The following TMEM232 variants were observed in gnomAD, a reference collection of about 807,000 sequenced individuals.
TMEM232 encodes transmembrane protein 232.
A neutral mutation model predicts 78.8 loss-of-function variants in TMEM232; 80 were observed. The ratio of observed to expected loss-of-function variants is 1.01; its 90% CI spans 0.85 to 1.22. TMEM232 has a LOEUF of 1.22. Among genes scored for constraint, TMEM232 ranks in the 50% most tolerant of loss-of-function variants. The pLI, the probability that TMEM232 is intolerant of heterozygous loss-of-function variation, is 0.00. For synonymous variants in TMEM232, 297 were observed against 254.3 expected (o/e 1.17, Z -1.60); for missense variants, 881 against 742.2 (o/e 1.19, Z -2.17).
intron 4 of TMEM232, 134 bp from the exon 5 acceptor site, chr5:110,638,489 T>C: frequency 2.4e-6 from 2 of 848,216 alleles, no homozygotes; most frequent in South Asian, 1.9e-5. Context: ...ACAAATTCTC[T>C]TTGACACCTT....
intron 2 of TMEM232, among the ~76,000 whole-genome samples, chr5:110,406,288 A>ACACG (rs769001946): frequency 7.3e-5 from 11 of 151,582 alleles, no homozygotes; most frequent in Non-Finnish European, 1.5e-4. Flanking sequence ...ACACACACAC[A>ACACG]CACACACACA....
chr5:110,562,375 T>C (rs1282466840), intron 11 of TMEM232, among the ~76,000 whole-genome samples: 1 of 152,118 alleles, frequency 6.6e-6, no homozygotes, highest in Admixed American at 6.6e-5. Flanking sequence ...GCATGGCTCA[T>C]GACATTTTCT....
intron 12 of TMEM232, among the ~76,000 whole-genome samples, chr5:110,454,757 G>A (rs115670955): frequency 0.011 from 1,687 of 151,876 alleles, 34 homozygotes; most frequent in African/African-American, 0.039. Flanking sequence ...TCTTGAATCA[G>A]TGAACTAAGC....
At chr5:110,515,164 T>A (rs1026982543) in intron 12 of TMEM232, among the ~76,000 whole-genome samples, 2 of 152,206 alleles carry the variant, frequency 1.3e-5, no homozygotes, top group African/African-American at 4.8e-5. Context: ...GAAATAATCA[T>A]AACTCCATCT....
At position 110,476,453 on chromosome 5, in the gene TMEM232, T is replaced by C. The variant is rs542206829; in HGVS notation, c.1704-51537A>G. Among the ~76,000 whole-genome samples, 23 of 152,138 alleles carry C rather than the reference T, an allele frequency of 1.5e-4. No individual in the cohort carries two copies. In the East Asian group the frequency reaches 4.4e-3, roughly 29 times the overall value. On this transcript the variant is annotated intron_variant, in intron 12 of 13. Transcript: ENST00000455884. Reference sequence around the variant, plus strand: ...ACCCCTTTATCTTGAACTTCCAGCATCTGGAACCATGAGTAAATAAATTTC... The same window carrying C: ...ACCCCTTTATCTTGAACTTCCAGCACCTGGAACCATGAGTAAATAAATTTC...
At chr5:110,434,450 T>A (rs532845502) in intron 12 of TMEM232, among the ~76,000 whole-genome samples, 1 of 151,480 alleles carries the variant, frequency 6.6e-6, no homozygotes, top group Non-Finnish European at 1.5e-5. Flanking sequence ...CATTAAAACG[T>A]TGAATAAGTA....
chr5:110,569,651 GA>G (rs1164731161), intron 10 of TMEM232, among the ~76,000 whole-genome samples: 1 of 151,814 alleles, frequency 6.6e-6, no homozygotes, highest in East Asian at 1.9e-4. Context: ...AGAACAACAT[GA>G]AAAGTCACAA....
At chr5:110,685,730 C>T (rs994781896) in intron 1 of TMEM232, among the ~76,000 whole-genome samples, 10 of 152,048 alleles carry the variant, frequency 6.6e-5, no homozygotes, top group African/African-American at 2.4e-4. Flanking sequence ...AGTCCCAAAC[C>T]AGAAACAACT....
chr5:110,659,987 G>A (rs775758607), intron 2 of TMEM232, among the ~76,000 whole-genome samples: 26 of 151,936 alleles, frequency 1.7e-4, no homozygotes, highest in Admixed American at 3.3e-4. Flanking sequence ...AGAAAAAAAG[G>A]GGTTGTCAAT....
In TMEM232 at chr5:110,721,669, G is replaced by GTATATATATATATATA. The variant is rs749643657; in HGVS notation, c.-13+4957_-13+4958insTATATATATATATATA. ...GTCTGCATATCATGTGTGTGTGTGT[G>GTATATATATATATATA]TGTGTATATATATATCTGTGTGTGT... is the stretch of plus-strand genomic sequence containing the variant. On this transcript the variant is annotated intron_variant, in intron 1 of 13. Transcript: ENST00000455884. 3.1e-3 allele frequency among the ~76,000 whole-genome samples: 73 copies of GTATATATATATATATA among 23,844 alleles called. 2 individuals carry two copies. Among genetic ancestry groups the GTATATATATATATATA allele is most frequent in the African/African-American group, 4.8e-3 (61 of 12,720 alleles). The allele number at this position is 23,844 out of a possible 152,430, so 15.6% of individuals were successfully genotyped here. A position where few individuals can be genotyped will look rare whatever the true frequency, so the allele number is the denominator to read the frequency against.
At chr5:110,570,695 T>C (rs1439272095) in intron 10 of TMEM232, among the ~76,000 whole-genome samples, 1 of 152,028 alleles carries the variant, frequency 6.6e-6, no homozygotes, top group Non-Finnish European at 1.5e-5. Context: ...TTCCTAGTTC[T>C]TTCATCTTCC....
intron 12 of TMEM232, among the ~76,000 whole-genome samples, chr5:110,525,084 T>C (rs1770374663): frequency 6.6e-6 from 1 of 151,732 alleles, no homozygotes; most frequent in Non-Finnish European, 1.5e-5. Context: ...TAAAACTGCT[T>C]AATAATAAAA....
chr5:110,647,548 C>T (rs563875699), intron 2 of TMEM232, among the ~76,000 whole-genome samples: 6 of 151,926 alleles, frequency 3.9e-5, no homozygotes, highest in Admixed American at 6.6e-5. Flanking sequence ...ATGTGTTTCA[C>T]AAATAAATCT....
At chr5:110,563,224 T>A (rs757280349) in intron 11 of TMEM232, among the ~76,000 whole-genome samples, 8 of 152,004 alleles carry the variant, frequency 5.3e-5, no homozygotes, top group Non-Finnish European at 1.2e-4. Flanking sequence ...CGCTGACTAC[T>A]CAAGTAATGA....
intron 7 of TMEM232, among the ~76,000 whole-genome samples, chr5:110,619,659 C>A (rs1783382378): frequency 6.6e-6 from 1 of 152,160 alleles, no homozygotes; most frequent in African/African-American, 2.4e-5. Flanking sequence ...AGTAAGTCCA[C>A]ATATAACTCA....
chr5:110,500,570 T>A (rs1251716845), intron 12 of TMEM232, among the ~76,000 whole-genome samples: 1 of 151,918 alleles, frequency 6.6e-6, no homozygotes, highest in Non-Finnish European at 1.5e-5. Context: ...AAGATGTATA[T>A]GAGGAAATGA....
At chr5:110,427,440 C>T (rs759679276) in intron 12 of TMEM232, among the ~76,000 whole-genome samples, 4 of 151,848 alleles carry the variant, frequency 2.6e-5, no homozygotes, top group Non-Finnish European at 4.4e-5. Context: ...GAATGGAGGA[C>T]TAGACAATTT....
In TMEM232 at chr5:110,636,933, C is replaced by T. The variant is rs371109485; in HGVS notation, c.501+1265G>A. Among the ~76,000 whole-genome samples the T allele has an allele frequency of 3.9e-5, 6 of 151,908 alleles. No homozygotes were observed. The East Asian group carries it at 1.2e-3, about 29-fold the overall frequency. ...TAAGCAATATGCTCCATGCATAAAACTATATTTTGTAGCTATTTTTTTCTT... is the reference window on the plus strand; with the variant it reads ...TAAGCAATATGCTCCATGCATAAAATTATATTTTGTAGCTATTTTTTTCTT... On this transcript the variant is annotated intron_variant, in intron 5 of 13. Coordinates refer to ENST00000455884, the MANE Select transcript of TMEM232 (RefSeq NM_001039763.4).
rs1402311018 is a variant in TMEM232 at position 110,528,764 on chromosome 5, T to A, written c.1527A>T (p.Glu509Asp). The A allele has an allele frequency of 5.9e-6, 9 of 1,533,504 alleles. No homozygotes were observed. The highest frequency in any genetic ancestry group is 7.9e-6 in the Non-Finnish European group (9 of 1,145,742). 95.0% of individuals were successfully genotyped at this position (1,533,504 alleles called of 1,614,324 possible). A position where few individuals can be genotyped will look rare whatever the true frequency, so the allele number is the denominator to read the frequency against. The change falls in exon 12 of 14, where the codon GAA (glutamate) becomes GAT (aspartate). Residue 509 changes from glutamate (E) to aspartate (D), a missense_variant. Glu to Asp is a conservative substitution (Grantham distance 45). Transcript: ENST00000455884. ...STNISSNVGE[E>D]VFSKYIGWRI... The stretch of plus-strand genomic sequence containing the variant: ...TCCACCCAATATATTTGGAGAAAAC[T>A]TCTTCTCCTACATTTGATGAAATAT...
Sources: gnomAD v4.1 joint callset for allele counts (sites outside exome capture counted in the v4.1 genomes callset) on GRCh38, gnomAD v4.1.1 for gene constraint, MANE v1.5 for transcripts, NCBI Gene and HGNC (gene_info 2026-07-23, HGNC 2026-07-21) for gene names.